SHANK2: variants seen among roughly 807,000 people sequenced by gnomAD.
The protein encoded by SHANK2 is SH3 and multiple ankyrin repeat domains 2, also known as SH3 and multiple ankyrin repeat domains protein 2.
SHANK2 carries 43 observed loss-of-function variants against 133.7 expected under a neutral mutation model. The observed-to-expected ratio is 0.32, with a 90% CI of 0.25 to 0.41. The LOEUF (loss-of-function observed/expected upper bound fraction) is 0.41. Ranked by LOEUF, SHANK2 falls within the 10% of genes least tolerant of loss-of-function variation. The probability of loss-of-function intolerance (pLI) is 1.00; values close to 1 mark genes in which losing one functional copy is unlikely to be tolerated. For synonymous variants in SHANK2, 1,017 were observed against 952.8 expected, an observed-to-expected ratio of 1.07 and a Z score of -1.24; for missense variants, 1,994 against 2,235.8, an observed-to-expected ratio of 0.89 and a Z score of 2.18.
At chr11:70,892,359 G>T (rs1344591099) in intron 11 of SHANK2, among the ~76,000 whole-genome samples, 5 of 152,132 alleles carry the variant, frequency 3.3e-5, no homozygotes, top group Admixed American at 6.5e-5. Flanking sequence ...ACTATGGTGG[G>T]GGGGACTGCC....
intron 11 of SHANK2, among the ~76,000 whole-genome samples, chr11:70,822,737 G>C (rs112462159): frequency 2.0e-4 from 11 of 53,680 alleles, no homozygotes; most frequent in South Asian, 7.1e-4. Context: ...GCTGGCAGAG[G>C]TCATGGGGGA....
rs1464708544 is a variant in SHANK2 at position 70,472,163 on chromosome 11, A to G, written c.*706T>C. Reference sequence around the variant, plus strand: ...CTTGGAATTATGCTAACAGATTTGCAGAAATAAAGAAAGCTAAGCAAAGCT... The same window carrying G: ...CTTGGAATTATGCTAACAGATTTGCGGAAATAAAGAAAGCTAAGCAAAGCT... On this transcript the variant is annotated 3_prime_UTR_variant, in exon 26 of 26. Coordinates refer to ENST00000601538, the MANE Select transcript of SHANK2 (RefSeq NM_012309.5). This position sits in a 1 kb window ranked among gnomAD's most constrained non-coding sequence, Gnocchi z 4.4. 1.3e-5 allele frequency: 2 copies of G among 152,862 alleles called. No homozygotes were observed. Among genetic ancestry groups the G allele is most frequent in the African/African-American group, 4.8e-5 (2 of 41,468 alleles). The allele number at this position is 152,862 out of a possible 1,614,324, so 9.5% of individuals were successfully genotyped here.
chr11:70,848,718 A>C (rs1463369221), intron 11 of SHANK2, among the ~76,000 whole-genome samples: 1 of 152,220 alleles, frequency 6.6e-6, no homozygotes, highest in African/African-American at 2.4e-5. Flanking sequence ...GTAAATGGCA[A>C]GTGTGCAGTT....
chr11:70,906,825 C>T lies in SHANK2; in HGVS notation c.1108-10258G>A, dbSNP rs1342549975. Among the ~76,000 whole-genome samples the T allele has an allele frequency of 3.9e-5, 6 of 152,156 alleles. No individual in the cohort carries two copies. In the South Asian group the frequency reaches 6.2e-4, roughly 16 times the overall value. On this transcript the variant is annotated intron_variant, in intron 10 of 25. Coordinates refer to ENST00000601538, the MANE Select transcript of SHANK2 (RefSeq NM_012309.5). ...CTGGCTCACCAAGGTCAGGGGTCGC[C>T]GAGTTCCCCTGCAAACTTCAAGGGA...
chr11:70,492,405 ACAGCCATGTTCT>A lies in SHANK2; in HGVS notation c.2357_2368del (p.Glu786_Ala789del). The A allele has an allele frequency of 6.2e-7, 1 of 1,613,800 alleles. No homozygotes were observed. Among genetic ancestry groups the A allele is most frequent in the Non-Finnish European group, 8.5e-7 (1 of 1,180,020 alleles). ...CTTGATGGTCGCCACCCTCGGTTCC[ACAGCCATGTTCT>A]CAGCAGCGCGGGAGGGCTTGGAGGC... On this transcript the variant is annotated inframe_deletion, in exon 22 of 26. Coordinates refer to ENST00000601538, the MANE Select transcript of SHANK2 (RefSeq NM_012309.5).
rs1224392325 is a variant in SHANK2 at position 70,739,987 on chromosome 11, C to CA, written c.1778-41225dup. Among the ~76,000 whole-genome samples, 1 of 152,212 alleles carries CA rather than the reference C, an allele frequency of 6.6e-6. No homozygotes were observed. Among genetic ancestry groups the CA allele is most frequent in the African/African-American group, 2.4e-5 (1 of 41,446 alleles). On this transcript the variant is annotated intron_variant, in intron 14 of 25. Transcript: ENST00000601538. The surrounding 1 kb of genome is among the most constrained non-coding windows in gnomAD (Gnocchi z 4.3). Reference sequence around the variant, plus strand: ...TCCTTCGCCATCAGGAGACCTTGGACAGTCACACGACCCAGACCAGGGGCC... The same window carrying CA: ...TCCTTCGCCATCAGGAGACCTTGGACAAGTCACACGACCCAGACCAGGGGCC...
chr11:70,869,849 G>A (rs1475070169), intron 11 of SHANK2, among the ~76,000 whole-genome samples: 7 of 152,096 alleles, frequency 4.6e-5, no homozygotes, highest in African/African-American at 1.7e-4. Context: ...CTCAGTCGCC[G>A]CTGGGTCAGT....
At position 71,147,110 on chromosome 11, in the gene SHANK2, C is replaced by A; in HGVS notation, c.207+10G>T. Reference sequence around the variant, plus strand: ...CAGATGTGAACCAAAGGGCAGACCACGGGGCTCACCGTCTGCTGCAGGTCA... The same window carrying A: ...CAGATGTGAACCAAAGGGCAGACCAAGGGGCTCACCGTCTGCTGCAGGTCA... On this transcript the variant is annotated intron_variant, in intron 3 of 25. Coordinates refer to ENST00000601538, the MANE Select transcript of SHANK2 (RefSeq NM_012309.5). The A allele has an allele frequency of 1.9e-6, 3 of 1,542,118 alleles. No homozygotes were observed. The highest frequency in any genetic ancestry group is 2.6e-6 in the Non-Finnish European group (3 of 1,144,290).
intron 17 of SHANK2, among the ~76,000 whole-genome samples, chr11:70,503,472 G>A (rs1463555470): frequency 6.6e-6 from 1 of 152,192 alleles, no homozygotes; most frequent in African/African-American, 2.4e-5. Context: ...TCCCGCTCCA[G>A]AGGCCTGGGA....
intron 10 of SHANK2, among the ~76,000 whole-genome samples, chr11:70,954,146 T>G (rs1373470897): frequency 6.6e-6 from 1 of 152,178 alleles, no homozygotes; most frequent in African/African-American, 2.4e-5. Context: ...TGTTCCCACA[T>G]CCACGTGGAT....
intron 11 of SHANK2, among the ~76,000 whole-genome samples, chr11:70,853,683 G>A (rs1590760513): frequency 6.6e-6 from 1 of 152,190 alleles, no homozygotes; most frequent in African/African-American, 2.4e-5. Context: ...TGGAGCTGCC[G>A]TGACCGCTTA....
intron 2 of SHANK2, among the ~76,000 whole-genome samples, chr11:71,148,813 CA>C (rs1354061663): frequency 6.6e-6 from 1 of 152,192 alleles, no homozygotes; most frequent in African/African-American, 2.4e-5. Context: ...CGGAAGGATT[CA>C]AACCACATAC....
At chr11:70,547,813 T>G (rs920852964) in intron 17 of SHANK2, among the ~76,000 whole-genome samples, 1 of 152,210 alleles carries the variant, frequency 6.6e-6, no homozygotes, top group Non-Finnish European at 1.5e-5. Flanking sequence ...GAATCCTTGG[T>G]CCCCATAACC....
chr11:70,615,554 T>C (rs1389029287), intron 17 of SHANK2, among the ~76,000 whole-genome samples: 1 of 152,124 alleles, frequency 6.6e-6, no homozygotes, highest in Non-Finnish European at 1.5e-5. Flanking sequence ...AGGGAGCACA[T>C]GCAGTCAAGA....
chr11:70,927,004 T>A (rs1195229115), intron 10 of SHANK2, among the ~76,000 whole-genome samples: 1 of 151,950 alleles, frequency 6.6e-6, no homozygotes, highest in Non-Finnish European at 1.5e-5. Flanking sequence ...TCCACCTGCT[T>A]AAAACAGGCA....
chr11:70,488,696 C>G (rs1246633272), intron 24 of SHANK2, among the ~76,000 whole-genome samples: 1 of 152,256 alleles, frequency 6.6e-6, no homozygotes, highest in Non-Finnish European at 1.5e-5. Context: ...AGTGGTCCTG[C>G]CAAGACCCTT....
chr11:70,926,599 G>A (rs1555081654), intron 10 of SHANK2, among the ~76,000 whole-genome samples: 2 of 152,142 alleles, frequency 1.3e-5, no homozygotes, highest in South Asian at 2.1e-4. Context: ...ATTCCATACA[G>A]CAAAACCACC....
At chr11:70,921,110 T>C (rs1950344362) in intron 10 of SHANK2, among the ~76,000 whole-genome samples, 3 of 151,984 alleles carry the variant, frequency 2.0e-5, no homozygotes, top group Admixed American at 6.6e-5. Context: ...ACTCAGGAAA[T>C]GGTCGGAATC....
At chr11:70,587,551 G>A (rs2060270202) in intron 17 of SHANK2, among the ~76,000 whole-genome samples, 1 of 152,194 alleles carries the variant, frequency 6.6e-6, no homozygotes, top group Non-Finnish European at 1.5e-5. Context: ...AAATGGTATG[G>A]AACAGCGAGT....
Sources: allele counts gnomAD v4.1 joint callset (sites outside exome capture counted in the v4.1 genomes callset), GRCh38; gene constraint gnomAD v4.1.1; non-coding constraint Gnocchi (gnomAD v3.1); transcripts MANE v1.5; gene names NCBI Gene and HGNC (gene_info 2026-07-23, HGNC 2026-07-21).